UNC79: variants seen among roughly 807,000 people sequenced by gnomAD.
UNC79 encodes the protein protein unc-79 homolog.
In UNC79, 37 loss-of-function variants were observed where a neutral mutation model predicts 283.1. The observed-to-expected ratio is 0.13, with a 90% CI of 0.10 to 0.17. UNC79 has a LOEUF of 0.17. UNC79 is among the 10% of genes least tolerant of loss of function. UNC79 has a pLI of 1.00. For synonymous variants in UNC79, 1,107 were observed against 1,200.2 expected, an observed-to-expected ratio of 0.92 and a Z score of 1.61; for missense variants, 2,272 against 3,211.1, an observed-to-expected ratio of 0.71 and a Z score of 7.07.
intron 1 of UNC79, among the ~76,000 whole-genome samples, chr14:93,447,500 G>A (rs1406937895): frequency 6.6e-6 from 1 of 151,596 alleles, no homozygotes; most frequent in African/African-American, 2.4e-5. Context: ...AAATTACATG[G>A]TTAATAAAGA....
chr14:93,357,806 TGG>T (rs2054130858), intron 1 of UNC79, among the ~76,000 whole-genome samples: 1 of 124,030 alleles, frequency 8.1e-6, no homozygotes, highest in Non-Finnish European at 1.7e-5. Flanking sequence ...TATGGATATA[TGG>T]ATATATATAT....
rs751255596 is a variant in UNC79 at position 93,688,848 on chromosome 14, C to A, written c.7085+8C>A. The A allele has an allele frequency of 6.2e-7, 1 of 1,610,192 alleles. No homozygotes were observed. The highest frequency in any genetic ancestry group is 1.7e-5 in the Admixed American group (1 of 59,594). On this transcript the variant is annotated splice_region_variant and intron_variant, in intron 44 of 48. Transcript: ENST00000555664. This position sits in a 1 kb window ranked among gnomAD's most constrained non-coding sequence, Gnocchi z 4.0. The stretch of plus-strand genomic sequence containing the variant: ...CTCTGCAATGCAGCAAGGGTAAGAC[C>A]CTTACTATTCCGGGAATGAGGGTAA...
intron 1 of UNC79, among the ~76,000 whole-genome samples, chr14:93,440,038 G>GA (rs901019237): frequency 1.2e-4 from 18 of 151,442 alleles, no homozygotes; most frequent in Non-Finnish European, 2.1e-4. Flanking sequence ...AAATATTTGG[G>GA]AAAAAAACAA....
intron 7 of UNC79, among the ~76,000 whole-genome samples, chr14:93,504,743 A>G (rs1443115644): frequency 6.6e-6 from 1 of 151,998 alleles, no homozygotes; most frequent in Non-Finnish European, 1.5e-5. Context: ...CTAATAATTT[A>G]TTATGGTAGT....
intron 1 of UNC79, chr14:93,347,137 G>A: frequency 9.6e-7 from 1 of 1,046,038 alleles, no homozygotes. Flanking sequence ...GGGGTAGGGG[G>A]CGAGGGCAGA....
In UNC79 at chr14:93,682,602, T is replaced by C. The variant is rs759733789; in HGVS notation, c.6742-15T>C. 1.9e-6 allele frequency: 3 copies of C among 1,610,428 alleles called. No homozygotes were observed. The African/African-American group carries it at 4.0e-5, about 22-fold the overall frequency. On this transcript the variant is annotated splice_polypyrimidine_tract_variant and intron_variant, in intron 41 of 48. Coordinates refer to ENST00000555664, the Ensembl canonical transcript of UNC79. ...GATACCCTTAAAAATAATTATCCTT[T>C]CACTTTTTTATTAGTTTATTTGTGC...
At chr14:93,499,357 C>A (rs1008105002) in intron 7 of UNC79, among the ~76,000 whole-genome samples, 2 of 152,146 alleles carry the variant, frequency 1.3e-5, no homozygotes, top group African/African-American at 2.4e-5. Context: ...CCCATTCGAT[C>A]CCTGAAATAA....
intron 24 of UNC79, 124 bp from the exon 25 acceptor site, chr14:93,600,445 A>C: frequency 1.6e-6 from 1 of 625,892 alleles, no homozygotes; most frequent in Non-Finnish European, 2.7e-6. Flanking sequence ...ATTCTACATT[A>C]TAAGTTTGAA....
chr14:93,614,555 G>A (rs2066552567), intron 27 of UNC79, among the ~76,000 whole-genome samples: 1 of 151,446 alleles, frequency 6.6e-6, no homozygotes, highest in African/African-American at 2.4e-5. Context: ...CTGGCCTCAA[G>A]TGATCCACCC....
chr14:93,435,853 C>T (rs908244918), intron 1 of UNC79, among the ~76,000 whole-genome samples: 1 of 152,166 alleles, frequency 6.6e-6, no homozygotes, highest in Non-Finnish European at 1.5e-5. Flanking sequence ...GTTCTTTTTG[C>T]CTGAAATGTT....
intron 31 of UNC79, 107 bp from the exon 35 acceptor site, chr14:93,637,109 A>G: frequency 2.7e-6 from 2 of 747,312 alleles, no homozygotes; most frequent in Non-Finnish European, 4.9e-6. Context: ...ATACATAGTA[A>G]CAGTGACCAA....
chr14:93,497,803 T>C (rs1241495037), intron 7 of UNC79, among the ~76,000 whole-genome samples: 2 of 151,992 alleles, frequency 1.3e-5, no homozygotes, highest in Admixed American at 6.6e-5. Context: ...CTGGCTAACA[T>C]GGTGAAACCC....
intron 1 of UNC79, chr14:93,348,242 A>G (rs1342912070): frequency 3.1e-6 from 2 of 638,966 alleles, no homozygotes; most frequent in South Asian, 1.8e-5. Context: ...CACTTTCCTC[A>G]TGTTTATGAT....
At chr14:93,615,687 C>G (rs539943485) in intron 27 of UNC79, among the ~76,000 whole-genome samples, 7 of 121,000 alleles carry the variant, frequency 5.8e-5, no homozygotes, top group African/African-American at 2.3e-4. Flanking sequence ...CACCACTAAA[C>G]TCCAGCCTGG....
At chr14:93,501,532 CA>C (rs1287181939) in intron 7 of UNC79, among the ~76,000 whole-genome samples, 3 of 151,578 alleles carry the variant, frequency 2.0e-5, no homozygotes, top group Non-Finnish European at 2.9e-5. Context: ...TACTAAAATA[CA>C]AAAAATTAGC....
intron 22 of UNC79, 123 bp downstream of exon 22, chr14:93,587,031 C>A: frequency 9.0e-7 from 1 of 1,114,032 alleles, no homozygotes; most frequent in Non-Finnish European, 1.2e-6. Flanking sequence ...AGCTCGATTG[C>A]CTATGATAAC....
chr14:93,370,891 G>A (rs2054429381), intron 1 of UNC79, among the ~76,000 whole-genome samples: 1 of 151,840 alleles, frequency 6.6e-6, no homozygotes, highest in Admixed American at 6.6e-5. Flanking sequence ...AACAACTACA[G>A]AAATGTAACA....
chr14:93,615,459 C>T (rs534013172), intron 27 of UNC79, among the ~76,000 whole-genome samples: 53 of 152,098 alleles, frequency 3.5e-4, no homozygotes, highest in African/African-American at 1.2e-3. Flanking sequence ...CATGGTGGCT[C>T]ATGCTTGTAA....
exon 7 of UNC79, chr14:93,497,266 A>G: frequency 6.2e-7 from 1 of 1,613,036 alleles, no homozygotes; most frequent in Non-Finnish European, 8.5e-7. Flanking sequence ...ATAAGCGAGT[A>G]CAGGGGGTTG....
Sources: allele counts gnomAD v4.1 joint callset (sites outside exome capture counted in the v4.1 genomes callset), GRCh38; gene constraint gnomAD v4.1.1; non-coding constraint Gnocchi (gnomAD v3.1); transcripts MANE v1.5; gene names NCBI Gene and HGNC (gene_info 2026-07-23, HGNC 2026-07-21).